GOT2: variants seen among roughly 807,000 people sequenced by gnomAD.
GOT2 encodes glutamic-oxaloacetic transaminase 2.
GOT2 carries 17 observed loss-of-function variants against 50.0 expected under a neutral mutation model. That is an observed-to-expected ratio of 0.34 (90% CI 0.23 to 0.51). The LOEUF (loss-of-function observed/expected upper bound fraction) is 0.51, where lower values mean the gene tolerates loss of function less well. Ranked by LOEUF, GOT2 falls within the 20% of genes least tolerant of loss-of-function variation. The pLI is 0.97. For synonymous variants in GOT2, 172 were observed against 204.9 expected (o/e 0.84, Z 1.37); for missense variants, 430 against 559.6 (o/e 0.77, Z 2.34).
chr16:58,717,295 T>G (rs1047595144), intron 6 of GOT2, among the ~76,000 whole-genome samples: 2 of 152,072 alleles, frequency 1.3e-5, no homozygotes, highest in Non-Finnish European at 2.9e-5. Context: ...GAGGATTGTT[T>G]GAGCCCTGGA....
At position 58,708,098 on chromosome 16, in the gene GOT2, T is replaced by C. The variant is rs1347184843; in HGVS notation, c.*73A>G. 5 of 1,467,240 alleles carry C rather than the reference T, an allele frequency of 3.4e-6. No individual in the cohort carries two copies. The highest frequency in any genetic ancestry group is 4.6e-5 in the East Asian group (2 of 43,874). 90.9% of individuals were successfully genotyped at this position (1,467,240 alleles called of 1,614,324 possible). A position where few individuals can be genotyped will look rare whatever the true frequency, so the allele number is the denominator to read the frequency against. On this transcript the variant is annotated 3_prime_UTR_variant, in exon 10 of 10. Transcript: ENST00000245206. The stretch of plus-strand genomic sequence containing the variant: ...ACTCACCACCATCCACCCTCTCTCA[T>C]TGTCTGTGTGAAGCTCTCAATAGCA...
At chr16:58,713,136 A>G (rs2044663798) in intron 8 of GOT2, among the ~76,000 whole-genome samples, 1 of 152,100 alleles carries the variant, frequency 6.6e-6, no homozygotes, top group Non-Finnish European at 1.5e-5. Context: ...AACCACACAC[A>G]CAAACAAAAA....
rs1480778259 is a variant in GOT2, at chr16:58,707,907, A to C, written c.*264T>G. 1 of 290,580 alleles carries C rather than the reference A, an allele frequency of 3.4e-6. No individual in the cohort carries two copies. The highest frequency in any genetic ancestry group is 6.4e-6 in the Non-Finnish European group (1 of 156,082). 18.0% of individuals were successfully genotyped at this position (290,580 alleles called of 1,614,324 possible). A position where few individuals can be genotyped will look rare whatever the true frequency, so the allele number is the denominator to read the frequency against. On this transcript the variant is annotated 3_prime_UTR_variant, in exon 10 of 10. Transcript: ENST00000245206. ...TTTTTTGGTGCGATGACTTTCTTGC[A>C]CATGTAAACTCTTTGAGAAAAGTTG...
At chr16:58,715,720 T>G (rs1409472231) in intron 8 of GOT2, among the ~76,000 whole-genome samples, 1 of 152,114 alleles carries the variant, frequency 6.6e-6, no homozygotes, top group African/African-American at 2.4e-5. Context: ...ATCCGGCTAA[T>G]TTTGTATTTT....
Position 58,708,626 on chromosome 16 carries a change from GAA to G in GOT2, c.1171-335_1171-334del, listed in dbSNP as rs11348341. Among the ~76,000 whole-genome samples, 711 of 144,090 alleles carry G rather than the reference GAA, an allele frequency of 4.9e-3. 7 individuals carry two copies. The highest frequency in any genetic ancestry group is 0.013 in the African/African-American group (509 of 39,004). 94.5% of individuals were successfully genotyped at this position (144,090 alleles called of 152,430 possible). The stretch of plus-strand genomic sequence containing the variant: ...ACAGTGAGACTCCATCTCAAAAAAA[GAA>G]AAAAAAAAAAGCTACTTTAAAGTAG... On this transcript the variant is annotated intron_variant, in intron 9 of 9. Coordinates refer to ENST00000245206, the MANE Select transcript of GOT2 (RefSeq NM_002080.4).
chr16:58,732,124 A>T (rs1205994582), intron 1 of GOT2, among the ~76,000 whole-genome samples: 2 of 152,172 alleles, frequency 1.3e-5, no homozygotes, highest in African/African-American at 4.8e-5. Flanking sequence ...AGACCAACAC[A>T]GGGAGACTCT....
At chr16:58,723,396 C>G (rs898905885) in intron 2 of GOT2, among the ~76,000 whole-genome samples, 5 of 152,120 alleles carry the variant, frequency 3.3e-5, no homozygotes, top group Non-Finnish European at 7.4e-5. Context: ...TAGTAATCCA[C>G]GAAGAGCTAT....
Position 58,726,965 on chromosome 16 carries a change from C to T in GOT2, c.90-3063G>A, listed in dbSNP as rs999437127. On this transcript the variant is annotated intron_variant, in intron 1 of 9. Transcript: ENST00000245206. ...GGTCAGGAGTTTGAGACCAGTCTGACCAACACGGTGAAACTCTGTCTCTAC... is the reference window on the plus strand; with the variant it reads ...GGTCAGGAGTTTGAGACCAGTCTGATCAACACGGTGAAACTCTGTCTCTAC... 3.3e-5 allele frequency among the ~76,000 whole-genome samples: 5 copies of T among 152,044 alleles called. No homozygotes were observed. The South Asian group carries it at 1.0e-3, about 32-fold the overall frequency.
At chr16:58,719,624 G>A (rs760503254) in intron 3 of GOT2, among the ~76,000 whole-genome samples, 2 of 151,954 alleles carry the variant, frequency 1.3e-5, no homozygotes, top group Non-Finnish European at 2.9e-5. Context: ...GCATGGTGGC[G>A]CATGCCTGTA....
chr16:58,725,596 A>G (rs2044777455), intron 1 of GOT2, among the ~76,000 whole-genome samples: 1 of 152,180 alleles, frequency 6.6e-6, no homozygotes, highest in South Asian at 2.1e-4. Flanking sequence ...CATGCTCGAG[A>G]GGCTATAGCT....
chr16:58,728,407 A>G (rs185397), intron 1 of GOT2, among the ~76,000 whole-genome samples: 105,392 of 151,964 alleles, frequency 0.69, 37,086 homozygotes, highest in Middle Eastern at 0.86. Context: ...TCAAAACCTA[A>G]ATTGGCAGAG....
At chr16:58,723,670 G>T in intron 2 of GOT2, 76 bp downstream of exon 2, 1 of 1,217,662 alleles carries the variant, frequency 8.2e-7, no homozygotes, top group Non-Finnish European at 1.2e-6. Context: ...TCCCGGTCCA[G>T]CACTATTCCT....
At chr16:58,723,344 T>C (rs531856979) in intron 2 of GOT2, among the ~76,000 whole-genome samples, 10 of 152,280 alleles carry the variant, frequency 6.6e-5, no homozygotes, top group Admixed American at 1.3e-4. Context: ...TGTACAAAGG[T>C]TTGATTAAAG....
At chr16:58,714,667 T>C (rs957063682) in intron 8 of GOT2, among the ~76,000 whole-genome samples, 1 of 151,642 alleles carries the variant, frequency 6.6e-6, no homozygotes, top group Non-Finnish European at 1.5e-5. Context: ...GCAGTGATTG[T>C]GCCACTGCAC....
intron 8 of GOT2, among the ~76,000 whole-genome samples, chr16:58,712,454 T>G (rs956165790): frequency 6.6e-6 from 1 of 152,258 alleles, no homozygotes; most frequent in East Asian, 1.9e-4. Context: ...GAGGTTGCAG[T>G]GAGCTGAGAT....
In GOT2 at chr16:58,726,271, C is replaced by T. The variant is rs370943106; in HGVS notation, c.90-2369G>A. Among the ~76,000 whole-genome samples the T allele has an allele frequency of 5.3e-5, 8 of 151,926 alleles. No individual in the cohort carries two copies. The East Asian group carries it at 5.8e-4, about 11-fold the overall frequency. On this transcript the variant is annotated intron_variant, in intron 1 of 9. Coordinates refer to ENST00000245206, the MANE Select transcript of GOT2 (RefSeq NM_002080.4). ...TGCGATCTCGGCTCACTGCAACATC[C>T]GCCTCCCGGGTTCAAGCGATTCTCC... is the stretch of plus-strand genomic sequence containing the variant.
Position 58,723,816 on chromosome 16 carries a change from T to C in GOT2, c.176A>G (p.Lys59Arg). ...EAFKRDTNSK[K>R]MNLGVGAYRD... ...GTAGGCACCAACTCCCAGATTCATC[T>C]TTTTGCTATTGGTGTCCCTCTTAAA... Residue 59 changes from lysine to arginine, a missense_variant, in exon 2 of 10, where the codon AAG becomes AGG. By Grantham distance (26) the Lys-to-Arg change is conservative. Transcript: ENST00000245206. 1 of 1,612,766 alleles carries C rather than the reference T, an allele frequency of 6.2e-7. No individual in the cohort carries two copies. Among genetic ancestry groups the C allele is most frequent in the Middle Eastern group, 1.7e-4 (1 of 6,058 alleles).
intron 7 of GOT2, 199 bp from the exon 8 acceptor site, chr16:58,716,378 AT>A: frequency 1.7e-6 from 1 of 605,866 alleles, no homozygotes; most frequent in Non-Finnish European, 2.8e-6. Context: ...ATTCAAAGGT[AT>A]TTTTTATTGT....
intron 3 of GOT2, among the ~76,000 whole-genome samples, chr16:58,720,059 G>A (rs993458327): frequency 6.6e-6 from 1 of 152,158 alleles, no homozygotes; most frequent in East Asian, 1.9e-4. Flanking sequence ...AAATTAGCCA[G>A]GTGTGTTGGC....
Sources: gnomAD v4.1 joint callset for allele counts (sites outside exome capture counted in the v4.1 genomes callset) on GRCh38, gnomAD v4.1.1 for gene constraint, MANE v1.5 for transcripts, NCBI Gene and HGNC (gene_info 2026-07-23, HGNC 2026-07-21) for gene names.